Variants in TACC2 observed in about 807,000 individuals in gnomAD.
TACC2 encodes transforming acidic coiled-coil-containing protein 2.
Under a neutral mutation model 227.3 loss-of-function variants are expected in TACC2, and 137 were observed. The observed-to-expected ratio is 0.60, with a 90% CI of 0.52 to 0.69. The LOEUF is 0.69. Among genes scored for constraint, TACC2 ranks in the 30% least tolerant of loss-of-function variants. TACC2 has a pLI of 0.00. For missense variants in TACC2, 3,470 were observed against 3,694.4 expected (o/e 0.94, Z 1.57); for synonymous variants, 1,523 against 1,487.5 (o/e 1.02, Z -0.55).
chr10:122,224,575 A>G, intron 11 of TACC2, 151 bp from the exon 12 acceptor site: 1 of 660,806 alleles, frequency 1.5e-6, no homozygotes, highest in South Asian at 1.9e-5. Context: ...TTCAGGCTAT[A>G]TGAGAAGTCT....
intron 2 of TACC2, among the ~76,000 whole-genome samples, chr10:122,035,664 A>T (rs1173530039): frequency 2.6e-5 from 4 of 152,276 alleles, no homozygotes; most frequent in Admixed American, 6.5e-5. Context: ...CGTTCAGTGG[A>T]ATTAAGTACA....
At chr10:122,088,003 C>T in intron 4 of TACC2, 44 bp downstream of exon 4, 1 of 1,477,890 alleles carries the variant, frequency 6.8e-7, no homozygotes, top group Non-Finnish European at 9.0e-7. Context: ...TGGTCAGTTT[C>T]AAAGGTGATT....
chr10:122,165,854 T>C (rs960884082), intron 7 of TACC2, among the ~76,000 whole-genome samples: 4 of 152,012 alleles, frequency 2.6e-5, no homozygotes, highest in African/African-American at 7.3e-5. Flanking sequence ...TGCTAGCATC[T>C]GTCCTCTTCA....
At chr10:122,094,041 G>A (rs1002928215) in intron 5 of TACC2, among the ~76,000 whole-genome samples, 5 of 152,114 alleles carry the variant, frequency 3.3e-5, no homozygotes, top group African/African-American at 1.2e-4. Flanking sequence ...TGGCCCACAA[G>A]GAGCTCCTTA....
chr10:122,244,657 A>G (rs535264740), intron 19 of TACC2, among the ~76,000 whole-genome samples: 5 of 151,690 alleles, frequency 3.3e-5, no homozygotes, highest in Admixed American at 6.6e-5. Context: ...TTTTCTTTCC[A>G]TTTTCACTCA....
At chr10:122,231,781 C>A (rs1429820855) in intron 16 of TACC2, among the ~76,000 whole-genome samples, 2 of 152,320 alleles carry the variant, frequency 1.3e-5, no homozygotes, top group Non-Finnish European at 2.9e-5. Context: ...TTCCAGGTTA[C>A]AGAGAGCTGT....
intron 11 of TACC2, among the ~76,000 whole-genome samples, chr10:122,222,437 A>C (rs562374501): frequency 6.6e-6 from 1 of 152,188 alleles, no homozygotes; most frequent in Admixed American, 6.5e-5. Context: ...GGCGTCTGCC[A>C]CTCATCTGGG....
At chr10:122,029,522 T>G (rs987879569) in intron 2 of TACC2, among the ~76,000 whole-genome samples, 1 of 152,204 alleles carries the variant, frequency 6.6e-6, no homozygotes, top group Non-Finnish European at 1.5e-5. Context: ...TGGGAAGTGC[T>G]TGCTCCTGTT....
At chr10:122,253,845 G>A in intron 22 of TACC2, 146 bp from the exon 23 acceptor site, 1 of 651,660 alleles carries the variant, frequency 1.5e-6, no homozygotes. Context: ...TATATACTCA[G>A]ATTGTTTGGC....
intron 7 of TACC2, among the ~76,000 whole-genome samples, chr10:122,170,738 G>A (rs1010031971): frequency 6.6e-6 from 1 of 152,056 alleles, no homozygotes; most frequent in Non-Finnish European, 1.5e-5. Flanking sequence ...CCTTGCTAGC[G>A]CCTCCAGGCC....
chr10:122,245,118 A>T (rs142029941), intron 19 of TACC2: 1 of 152,158 alleles, frequency 6.6e-6, no homozygotes, highest in East Asian at 1.9e-4. Flanking sequence ...GCCCATTGCA[A>T]CCCTTTGTTT....
Position 122,050,550 on chromosome 10 carries a change from G to C in TACC2, c.146G>C (p.Ser49Thr), listed in dbSNP as rs1272791539. 6.2e-7 allele frequency: 1 copy of C among 1,612,208 alleles called. No homozygotes were observed. Among genetic ancestry groups the C allele is most frequent in the South Asian group, 1.1e-5 (1 of 91,010 alleles). The change falls in exon 3 of 23, where the codon AGC becomes ACC. Residue 49 changes from serine (S) to threonine (T), a missense_variant and splice_region_variant. Coordinates refer to ENST00000369005, the MANE Select transcript of TACC2 (RefSeq NM_206862.4). This position sits in a 1 kb window ranked among gnomAD's most constrained non-coding sequence, Gnocchi z 4.6. ...AGCCCTGACCACAGAGACGCGTCCAGGTAGGAGGCCAGCTCTGGAGGACTG... is the reference window on the plus strand; with the variant it reads ...AGCCCTGACCACAGAGACGCGTCCACGTAGGAGGCCAGCTCTGGAGGACTG... ...PGSPDHRDAS[S>T]IGSVGLGGFC...
At chr10:122,233,492 G>C (rs920851340) in intron 16 of TACC2, among the ~76,000 whole-genome samples, 2 of 152,224 alleles carry the variant, frequency 1.3e-5, no homozygotes, top group African/African-American at 4.8e-5. Context: ...TGGCCCCTCA[G>C]TCCTGGCTTA....
In TACC2 at chr10:122,082,656, C is replaced by G. The variant is rs369866874; in HGVS notation, c.156C>G (p.Ser52Arg). 2 of 1,606,458 alleles carry G rather than the reference C, an allele frequency of 1.2e-6. No homozygotes were observed. Among genetic ancestry groups the G allele is most frequent in the African/African-American group, 1.3e-5 (1 of 74,576 alleles). The change falls in exon 4 of 23, where the codon AGC becomes AGG. Residue 52 changes from serine to arginine, a missense_variant. Physicochemically the swap from Ser to Arg is moderately radical, Grantham distance 110. This residue lies in a region of TACC2 where 405 missense variants were observed against 389.6 expected (regional missense o/e 1.04). Coordinates refer to ENST00000369005, the MANE Select transcript of TACC2 (RefSeq NM_206862.4). The stretch of plus-strand genomic sequence containing the variant: ...CATTAAATATTTTCAGCATTGGCAG[C>G]GTTGGGCTTGGAGGCTTCTGCACCG... The part of the protein sequence containing the change: ...PDHRDASSIG[S>R]VGLGGFCTAS...
chr10:122,203,037 G>T (rs1442344182), intron 8 of TACC2, among the ~76,000 whole-genome samples: 1 of 151,948 alleles, frequency 6.6e-6, no homozygotes, highest in Non-Finnish European at 1.5e-5. Flanking sequence ...AGAACAAAAT[G>T]AAAAGTCTCC....
chr10:122,115,580 T>C (rs1014967763), intron 5 of TACC2, among the ~76,000 whole-genome samples: 1 of 152,146 alleles, frequency 6.6e-6, no homozygotes, highest in Non-Finnish European at 1.5e-5. Context: ...AGCATCTCAA[T>C]AGAGGATGCT....
rs1488791198 is a variant in TACC2 at position 122,141,168 on chromosome 10, G to T, written c.5700-2404G>T. 6.6e-6 allele frequency among the ~76,000 whole-genome samples: 1 copy of T among 152,130 alleles called. No homozygotes were observed. The highest frequency in any genetic ancestry group is 1.5e-5 in the Non-Finnish European group (1 of 68,022). On this transcript the variant is annotated intron_variant, in intron 6 of 22. Coordinates refer to ENST00000369005, the MANE Select transcript of TACC2 (RefSeq NM_206862.4). This position sits in a 1 kb window ranked among gnomAD's most constrained non-coding sequence, Gnocchi z 4.3. ...TGCCACTACCTTGCTGGGAAAATTGGGGGAGGAGGAGGAGGGTCAGGAGGG... is the reference window on the plus strand; with the variant it reads ...TGCCACTACCTTGCTGGGAAAATTGTGGGAGGAGGAGGAGGGTCAGGAGGG...
chr10:122,086,858 A>T lies in TACC2; in HGVS notation c.4358A>T (p.Asp1453Val). 2 of 1,613,956 alleles carry T rather than the reference A, an allele frequency of 1.2e-6. No individual in the cohort carries two copies. Among genetic ancestry groups the T allele is most frequent in the Non-Finnish European group, 1.7e-6 (2 of 1,179,996 alleles). Residue 1453 changes from aspartate (D) to valine (V), a missense_variant, in exon 4 of 23, where the codon GAT becomes GTT. Asp to Val is a radical substitution (Grantham distance 152). This residue lies in a region of TACC2 where 1,924 missense variants were observed against 1,978.3 expected (regional missense o/e 0.97). Transcript: ENST00000369005. Reference sequence around the variant, plus strand: ...CCATTGGGCCCAGAGAAGCTTCTAGATGGGCCTCCAGGAGTGGATGTCACC... The same window carrying T: ...CCATTGGGCCCAGAGAAGCTTCTAGTTGGGCCTCCAGGAGTGGATGTCACC... ...TRPLGPEKLL[D>V]GPPGVDVTLL...
chr10:122,079,598 C>T lies in TACC2; in HGVS notation c.147-3049C>T, dbSNP rs181765768. ...CAGGGGTGGTTCTGTGTACATGCCT[C>T]CTTCAGGGATGTCAAATGACGCCGC... On this transcript the variant is annotated intron_variant, in intron 3 of 22. Transcript: ENST00000369005. Among the ~76,000 whole-genome samples the T allele has an allele frequency of 2.4e-3, 372 of 152,308 alleles. 2 individuals carry two copies. The highest frequency in any genetic ancestry group is 8.5e-3 in the African/African-American group (354 of 41,564).
Sources: allele counts gnomAD v4.1 joint callset (sites outside exome capture counted in the v4.1 genomes callset), GRCh38; gene constraint gnomAD v4.1.1; regional missense constraint gnomAD v4.1.1; non-coding constraint Gnocchi (gnomAD v3.1); transcripts MANE v1.5; gene names NCBI Gene and HGNC (gene_info 2026-07-23, HGNC 2026-07-21).